The following MYH16 variants were observed in gnomAD, a reference collection of about 807,000 sequenced individuals.
The protein encoded by MYH16 is putative uncharacterized protein MYH16.
intron 2 of MYH16, among the ~76,000 whole-genome samples, chr7:99,244,868 T>G (rs1055693921): frequency 5.3e-5 from 8 of 152,224 alleles, no homozygotes; most frequent in African/African-American, 1.9e-4. Flanking sequence ...CCGCAAGCCC[T>G]TGTTCCTCCT....
At chr7:99,268,015 C>T (rs1554336988) in intron 18 of MYH16, among the ~76,000 whole-genome samples, 1 of 152,196 alleles carries the variant, frequency 6.6e-6, no homozygotes, top group Non-Finnish European at 1.5e-5. Flanking sequence ...TCTGGTCACT[C>T]AGCAAACACT....
At chr7:99,310,030 A>C (rs1158699151), downstream of MYH16, among the ~76,000 whole-genome samples, 1 of 152,222 alleles carries the variant, frequency 6.6e-6, no homozygotes, top group Admixed American at 6.5e-5. Context: ...GAAAAATAAA[A>C]AAATAAAAAA....
At chr7:99,280,267 G>A (rs183750437) in intron 22 of MYH16, among the ~76,000 whole-genome samples, 5 of 152,368 alleles carry the variant, frequency 3.3e-5, no homozygotes, top group Admixed American at 2.6e-4. Context: ...AGCCATGTGC[G>A]TTAAGTGTCA....
intron 21 of MYH16, among the ~76,000 whole-genome samples, chr7:99,277,916 T>TGTGAGA (rs1478749471): frequency 3.0e-5 from 4 of 132,330 alleles, no homozygotes; most frequent in African/African-American, 1.2e-4. Flanking sequence ...TGTGTGTGTG[T>TGTGAGA]GAGAGAGAGA....
intron 20 of MYH16, among the ~76,000 whole-genome samples, chr7:99,276,198 C>T (rs112458152): frequency 6.6e-6 from 1 of 152,208 alleles, no homozygotes; most frequent in Non-Finnish European, 1.5e-5. Context: ...TTACTGCAAC[C>T]TTTTCATGCC....
chr7:99,305,371 T>A (rs1367169420), intron 40 of MYH16, among the ~76,000 whole-genome samples: 1 of 152,150 alleles, frequency 6.6e-6, no homozygotes, highest in Non-Finnish European at 1.5e-5. Flanking sequence ...CTCCTTGCCT[T>A]TTTTTACTAA....
At chr7:99,296,148 T>TAAAA (rs60180969) in intron 33 of MYH16, among the ~76,000 whole-genome samples, 2 of 91,406 alleles carry the variant, frequency 2.2e-5, no homozygotes, top group Admixed American at 1.2e-4. Context: ...CATCTCAATT[T>TAAAA]AAAAAAAAAA....
chr7:99,287,208 A>G (rs1351760675), intron 28 of MYH16, among the ~76,000 whole-genome samples: 1 of 152,014 alleles, frequency 6.6e-6, no homozygotes. Context: ...CTGGACCTGG[A>G]GTGATAAGGG....
intron 17 of MYH16, among the ~76,000 whole-genome samples, chr7:99,266,074 T>A (rs1791984171): frequency 1.3e-5 from 2 of 152,160 alleles, no homozygotes; most frequent in Non-Finnish European, 2.9e-5. Context: ...TTTCCAGACA[T>A]GCGCTCAGAC....
intron 2 of MYH16, among the ~76,000 whole-genome samples, chr7:99,244,619 C>T (rs1363326978): frequency 6.6e-6 from 1 of 152,186 alleles, no homozygotes; most frequent in Non-Finnish European, 1.5e-5. Context: ...TCCTTTAATA[C>T]TACTACTGTG....
At chr7:99,254,865 T>G (rs1283792072) in intron 8 of MYH16, among the ~76,000 whole-genome samples, 2 of 152,214 alleles carry the variant, frequency 1.3e-5, no homozygotes, top group Non-Finnish European at 2.9e-5. Flanking sequence ...CCAGGTGCAG[T>G]GGCTCATATC....
In MYH16 at chr7:99,284,837, C is replaced by T. The variant is rs771030620; in HGVS notation, n.3226-8C>T. The T allele has an allele frequency of 4.2e-5, 19 of 456,610 alleles. No homozygotes were observed. The highest frequency in any genetic ancestry group is 2.9e-4 in the South Asian group (19 of 64,564). 28.3% of individuals were successfully genotyped at this position (456,610 alleles called of 1,614,324 possible). ...CCTTTCCTCAGGAGACCAACCCTTC[C>T]CTTGCAGGAGGGATTTGGAAATAAA... On this transcript the variant is annotated splice_polypyrimidine_tract_variant and splice_region_variant and intron_variant and non_coding_transcript_variant, in intron 25 of 41. Transcript: ENST00000439784.
At chr7:99,256,825 C>T (rs73157601) in intron 9 of MYH16, among the ~76,000 whole-genome samples, 9,190 of 151,168 alleles carry the variant, frequency 0.061, 413 homozygotes, top group African/African-American at 0.13. Context: ...GTGGCACGCA[C>T]CTGTTATCCC....
chr7:99,241,978 A>G (rs1280623001), intron 1 of MYH16, among the ~76,000 whole-genome samples: 1 of 151,760 alleles, frequency 6.6e-6, no homozygotes, highest in Non-Finnish European at 1.5e-5. Flanking sequence ...CTCCTGCCTC[A>G]GCCTCCCAAG....
intron 13 of MYH16, among the ~76,000 whole-genome samples, chr7:99,262,982 GGTCAGCGTGGCCAGCAGA>G (rs1327380354): frequency 6.6e-6 from 1 of 152,208 alleles, no homozygotes; most frequent in Non-Finnish European, 1.5e-5. Context: ...GGTCAGGGAG[GGTCAGCGTGGCCAGCAGA>G]GTAAGCTGTG....
chr7:99,272,739 C>T (rs763246406), intron 19 of MYH16, among the ~76,000 whole-genome samples, 100 bp from the exon 1 acceptor site: 1 of 151,384 alleles, frequency 6.6e-6, no homozygotes, highest in African/African-American at 2.4e-5. Flanking sequence ...AGAGTGAGAC[C>T]CTGTCTCAAA....
intron 29 of MYH16, among the ~76,000 whole-genome samples, 173 bp from the exon 11 acceptor site, chr7:99,289,113 CA>C (rs543932564): frequency 0.27 from 34,431 of 128,680 alleles, 8,462 homozygotes; most frequent in African/African-American, 0.66. Flanking sequence ...TACCCTGTCT[CA>C]AAAAAAAAAA....
rs918326533 is a variant in MYH16, at chr7:99,295,321, T to C, written n.4282+1171T>C. 4.0e-5 allele frequency among the ~76,000 whole-genome samples: 6 copies of C among 149,938 alleles called. No homozygotes were observed. The East Asian group carries it at 1.2e-3, about 30-fold the overall frequency. On this transcript the variant is annotated intron_variant and non_coding_transcript_variant, in intron 33 of 41. Transcript: ENST00000439784. ...TTGAACCCAGGAGGTGGAGTTGCAGTGAGCCAAATCGTGCCACTGCACTCC... is the reference window on the plus strand; with the variant it reads ...TTGAACCCAGGAGGTGGAGTTGCAGCGAGCCAAATCGTGCCACTGCACTCC...
chr7:99,270,111 C>T (rs1208724704), intron 18 of MYH16, among the ~76,000 whole-genome samples: 2 of 70,648 alleles, frequency 2.8e-5, no homozygotes, highest in African/African-American at 5.3e-5. Flanking sequence ...CTGATCTGCC[C>T]GTCTCAGCCT....
Sources: gnomAD v4.1 joint callset for allele counts (sites outside exome capture counted in the v4.1 genomes callset) on GRCh38, gnomAD v4.1.1 for gene constraint, MANE v1.5 for transcripts, NCBI Gene and HGNC (gene_info 2026-07-23, HGNC 2026-07-21) for gene names.